The following PRKCB variants were observed in gnomAD, a reference collection of about 807,000 sequenced individuals.
PRKCB encodes the protein protein kinase C beta, also known as protein kinase C beta type.
PRKCB carries 13 observed loss-of-function variants against 81.5 expected under a neutral mutation model. The ratio of observed to expected loss-of-function variants is 0.16; its 90% CI spans 0.10 to 0.25. PRKCB has a LOEUF of 0.25. PRKCB is among the 10% of genes least tolerant of loss of function. PRKCB has a pLI of 1.00. For missense variants in PRKCB, 509 were observed against 875.7 expected, an observed-to-expected ratio of 0.58 and a Z score of 5.29; for synonymous variants, 335 against 321.4, an observed-to-expected ratio of 1.04 and a Z score of -0.45.
intron 3 of PRKCB, among the ~76,000 whole-genome samples, chr16:23,993,095 A>T (rs1411331674): frequency 6.6e-6 from 1 of 152,112 alleles, no homozygotes; most frequent in Non-Finnish European, 1.5e-5. Flanking sequence ...CCACCCCTTC[A>T]AGTCCTAGCA....
intron 2 of PRKCB, among the ~76,000 whole-genome samples, chr16:23,894,314 A>G (rs1308432460): frequency 6.6e-6 from 1 of 152,230 alleles, no homozygotes; most frequent in Admixed American, 6.5e-5. Context: ...AAAGGCATGA[A>G]AGTCTCAGGA....
chr16:23,855,389 C>A (rs1476004209), intron 2 of PRKCB, among the ~76,000 whole-genome samples: 1 of 152,120 alleles, frequency 6.6e-6, no homozygotes, highest in African/African-American at 2.4e-5. Flanking sequence ...ACAGAGCCTA[C>A]CTCCCAGAGT....
intron 2 of PRKCB, among the ~76,000 whole-genome samples, chr16:23,964,071 T>C (rs1466821791): frequency 6.6e-6 from 1 of 152,196 alleles, no homozygotes; most frequent in Non-Finnish European, 1.5e-5. Flanking sequence ...CACGGTCCAA[T>C]AGGGTAGCCA....
intron 2 of PRKCB, among the ~76,000 whole-genome samples, chr16:23,981,795 T>G (rs1341878464): frequency 5.1e-5 from 1 of 19,584 alleles, no homozygotes; most frequent in African/African-American, 2.6e-4. Flanking sequence ...TCCCCTTCCC[T>G]TCCCCTTCCC....
At chr16:23,976,034 G>A (rs890109126) in intron 2 of PRKCB, among the ~76,000 whole-genome samples, 17 of 152,208 alleles carry the variant, frequency 1.1e-4, no homozygotes, top group African/African-American at 2.4e-4. Context: ...CTTTTCCTTG[G>A]TGATGGTAAA....
chr16:24,161,501 A>C (rs2141958496), intron 10 of PRKCB, among the ~76,000 whole-genome samples: 1 of 152,298 alleles, frequency 6.6e-6, no homozygotes, highest in African/African-American at 2.4e-5. Flanking sequence ...GTTATAATAT[A>C]GTTGTTTAAG....
chr16:24,170,011 A>T (rs1479403035), intron 10 of PRKCB, among the ~76,000 whole-genome samples: 1 of 152,084 alleles, frequency 6.6e-6, no homozygotes. Context: ...CGAGCTCCTG[A>T]CCTCAGGAGA....
At chr16:23,859,556 A>G (rs1399146213) in intron 2 of PRKCB, among the ~76,000 whole-genome samples, 1 of 152,116 alleles carries the variant, frequency 6.6e-6, no homozygotes, top group African/African-American at 2.4e-5. Context: ...GGGGGGAGAA[A>G]TGCCAGGAGC....
intron 3 of PRKCB, among the ~76,000 whole-genome samples, chr16:24,028,634 T>C (rs1965513104): frequency 6.6e-6 from 1 of 152,282 alleles, no homozygotes; most frequent in African/African-American, 2.4e-5. Context: ...GGTTCATGAA[T>C]GCTGCTGCAT....
At chr16:24,117,764 A>G (rs545948690) in intron 8 of PRKCB, among the ~76,000 whole-genome samples, 1 of 152,310 alleles carries the variant, frequency 6.6e-6, no homozygotes, top group East Asian at 1.9e-4. Context: ...GAAAGTAAGT[A>G]TTATCAAGCA....
At chr16:23,852,081 C>A (rs2106376) in intron 2 of PRKCB, among the ~76,000 whole-genome samples, 31,773 of 152,094 alleles carry the variant, frequency 0.21, 3,437 homozygotes, top group East Asian at 0.33. Flanking sequence ...AAGTTCACTT[C>A]TTCCCTTCCT....
chr16:24,085,694 G>C (rs1432901772), intron 5 of PRKCB, among the ~76,000 whole-genome samples: 3 of 152,168 alleles, frequency 2.0e-5, no homozygotes, highest in African/African-American at 7.2e-5. Context: ...GCTCAGAGAA[G>C]CCATTTGAGT....
At chr16:23,870,306 T>A (rs1962883238) in intron 2 of PRKCB, among the ~76,000 whole-genome samples, 1 of 152,158 alleles carries the variant, frequency 6.6e-6, no homozygotes. Flanking sequence ...CACCAATGAG[T>A]GATATGTTCA....
intron 2 of PRKCB, among the ~76,000 whole-genome samples, chr16:23,882,058 T>TTCCTTCCTTCC (rs1963131469): frequency 1.3e-5 from 1 of 74,862 alleles, no homozygotes; most frequent in Non-Finnish European, 2.8e-5. Flanking sequence ...TCCTTCCTTC[T>TTCCTTCCTTCC]TCCTTTCCTT....
At chr16:24,203,818 G>T (rs1418554896) in intron 16 of PRKCB, among the ~76,000 whole-genome samples, 1 of 152,168 alleles carries the variant, frequency 6.6e-6, no homozygotes, top group African/African-American at 2.4e-5. Context: ...AGGAAGTGAG[G>T]CTTGGATGGG....
In PRKCB at chr16:23,988,459, C is replaced by G. The variant is rs183413076; in HGVS notation, c.206-49C>G. ...TCCTCCCTTTCTCTCTCTTCCTCCT[C>G]TCCGCTTTCCTTCTTCCCTTCCTCC... On this transcript the variant is annotated intron_variant, in intron 2 of 16. Transcript: ENST00000643927. 7.4e-5 allele frequency: 110 copies of G among 1,492,528 alleles called. 1 individual carries two copies. In the African/African-American group the frequency reaches 1.3e-3, roughly 17 times the overall value. 92.5% of individuals were successfully genotyped at this position (1,492,528 alleles called of 1,614,324 possible).
At chr16:23,836,417 C>T in intron 1 of PRKCB, 69 bp downstream of exon 1, 2 of 1,501,878 alleles carry the variant, frequency 1.3e-6, no homozygotes, top group South Asian at 1.2e-5. Context: ...ACCCCCTCTC[C>T]GCGCCCTCTG....
intron 16 of PRKCB, among the ~76,000 whole-genome samples, chr16:24,199,100 T>G (rs1228511294): frequency 2.0e-5 from 3 of 152,224 alleles, no homozygotes; most frequent in Non-Finnish European, 4.4e-5. Context: ...CCTGGCAAGC[T>G]TTTATAGCTT....
chr16:24,161,357 T>C (rs1249304733), intron 10 of PRKCB, among the ~76,000 whole-genome samples: 1 of 152,192 alleles, frequency 6.6e-6, no homozygotes, highest in Non-Finnish European at 1.5e-5. Context: ...GATATTATTT[T>C]AAGTGTGTTA....
Sources: gnomAD v4.1 joint callset for allele counts (sites outside exome capture counted in the v4.1 genomes callset) on GRCh38, gnomAD v4.1.1 for gene constraint, MANE v1.5 for transcripts, NCBI Gene and HGNC (gene_info 2026-07-23, HGNC 2026-07-21) for gene names.